EXOC6B: variants seen among roughly 807,000 people sequenced by gnomAD.
The protein encoded by EXOC6B is exocyst complex component 6B.
A neutral mutation model predicts 113.5 loss-of-function variants in EXOC6B; 54 were observed. That is an observed-to-expected ratio of 0.48 (90% confidence interval 0.38 to 0.60). EXOC6B has a LOEUF of 0.60. Among genes scored for constraint, EXOC6B ranks in the 20% least tolerant of loss-of-function variants. EXOC6B has a pLI of 0.00. For synonymous variants in EXOC6B, 357 were observed against 339.0 expected, an observed-to-expected ratio of 1.05 and a Z score of -0.58; for missense variants, 797 against 977.5, an observed-to-expected ratio of 0.82 and a Z score of 2.46.
intron 1 of EXOC6B, among the ~76,000 whole-genome samples, chr2:72,745,811 TA>T (rs1681659255): frequency 1.3e-5 from 2 of 152,082 alleles, no homozygotes; most frequent in African/African-American, 4.8e-5. Context: ...ATCCATCAGA[TA>T]TAAAAGGCTA....
chr2:72,431,879 T>C (rs1013309798), intron 18 of EXOC6B, among the ~76,000 whole-genome samples: 1 of 152,102 alleles, frequency 6.6e-6, no homozygotes, highest in African/African-American at 2.4e-5. Flanking sequence ...CTCCCACTTA[T>C]GAGTGAGAAT....
chr2:72,192,760 G>A (rs563689436), intron 20 of EXOC6B, among the ~76,000 whole-genome samples: 1 of 152,284 alleles, frequency 6.6e-6, no homozygotes, highest in African/African-American at 2.4e-5. Context: ...CAGGAACACT[G>A]AGTCCTGTAG....
intron 20 of EXOC6B, among the ~76,000 whole-genome samples, chr2:72,201,362 G>T (rs1395362146): frequency 1.3e-5 from 2 of 152,088 alleles, no homozygotes; most frequent in Non-Finnish European, 1.5e-5. Context: ...TGCCCAGAAA[G>T]CAGGCAGCCT....
At chr2:72,190,586 C>T (rs1467386127) in intron 20 of EXOC6B, among the ~76,000 whole-genome samples, 1 of 152,164 alleles carries the variant, frequency 6.6e-6, no homozygotes, top group Non-Finnish European at 1.5e-5. Flanking sequence ...CTATTCATTC[C>T]TGTAGATAAC....
intron 11 of EXOC6B, among the ~76,000 whole-genome samples, chr2:72,508,422 A>C (rs1352228463): frequency 1.3e-5 from 2 of 152,128 alleles, no homozygotes; most frequent in Non-Finnish European, 2.9e-5. Flanking sequence ...AAGAATAATA[A>C]GGGGATAAAT....
At chr2:72,696,004 G>GTA (rs948879014) in intron 6 of EXOC6B, among the ~76,000 whole-genome samples, 14 of 151,788 alleles carry the variant, frequency 9.2e-5, no homozygotes, top group Middle Eastern at 3.4e-3. Context: ...ATCTACTGGT[G>GTA]TATATATATA....
At chr2:72,817,874 CCT>C (rs1279738985) in intron 1 of EXOC6B, among the ~76,000 whole-genome samples, 1 of 152,188 alleles carries the variant, frequency 6.6e-6, no homozygotes, top group East Asian at 1.9e-4. Flanking sequence ...CCATCTCTTG[CCT>C]CTTATTACTG....
At position 72,177,497 on chromosome 2, in the gene EXOC6B, C is replaced by T. The variant is rs1335780150; in HGVS notation, c.*1838G>A. ...TTGGCGATGCCATTTTGGCTCCTGC[C>T]TTCTCTTGGCTTATCAAGTTCTGGG... On this transcript the variant is annotated 3_prime_UTR_variant, in exon 22 of 22. Transcript: ENST00000272427. 1.3e-5 allele frequency: 2 copies of T among 152,206 alleles called. No individual in the cohort carries two copies. Among genetic ancestry groups the T allele is most frequent in the Non-Finnish European group, 2.9e-5 (2 of 68,048 alleles). 9.4% of individuals were successfully genotyped at this position (152,206 alleles called of 1,614,324 possible). A position where few individuals can be genotyped will look rare whatever the true frequency, so the allele number is the denominator to read the frequency against.
At chr2:72,653,942 T>G (rs2104415789) in intron 6 of EXOC6B, among the ~76,000 whole-genome samples, 1 of 151,518 alleles carries the variant, frequency 6.6e-6, no homozygotes, top group South Asian at 2.1e-4. Context: ...TGATAATGTA[T>G]TATGGTACAA....
chr2:72,515,443 T>C (rs932581023), intron 8 of EXOC6B: 4 of 1,110,736 alleles, frequency 3.6e-6, no homozygotes, highest in Non-Finnish European at 4.4e-6. Flanking sequence ...AACCTTTCCA[T>C]AAGTTATGAT....
At chr2:72,389,564 G>T (rs1215737091) in intron 18 of EXOC6B, among the ~76,000 whole-genome samples, 2 of 151,968 alleles carry the variant, frequency 1.3e-5, no homozygotes, top group African/African-American at 4.8e-5. Context: ...TGATATTCCT[G>T]AAATTCATGT....
At chr2:72,688,469 T>G (rs180986992) in intron 6 of EXOC6B, among the ~76,000 whole-genome samples, 14 of 151,160 alleles carry the variant, frequency 9.3e-5, no homozygotes, top group African/African-American at 3.4e-4. Flanking sequence ...TCCTTCCTGG[T>G]GGGCAAGGAA....
At chr2:72,736,249 C>A (rs1311580199) in intron 2 of EXOC6B, among the ~76,000 whole-genome samples, 1 of 151,284 alleles carries the variant, frequency 6.6e-6, no homozygotes, top group Non-Finnish European at 1.5e-5. Context: ...TAGGATGCTA[C>A]TTCATTTATT....
At chr2:72,476,747 A>T (rs1357352796) in intron 17 of EXOC6B, among the ~76,000 whole-genome samples, 1 of 152,224 alleles carries the variant, frequency 6.6e-6, no homozygotes, top group African/African-American at 2.4e-5. Flanking sequence ...AAGACTTTAG[A>T]ATAAAGTCCA....
In EXOC6B at chr2:72,465,235, G is replaced by A. The variant is rs1697969993; in HGVS notation, c.1905C>T (p.Gly635=). 1 of 1,611,358 alleles carries A rather than the reference G, an allele frequency of 6.2e-7. No individual in the cohort carries two copies. Among genetic ancestry groups the A allele is most frequent in the African/African-American group, 1.3e-5 (1 of 74,912 alleles). The part of the protein sequence containing the change: ...ADYDWMTGDL[G]NKASDYLVDL... ...CTACCAGGTAATCACTAGCTTTGTTGCCCAAATCTCCGGTCATCCAGTCAT... is the reference window on the plus strand; with the variant it reads ...CTACCAGGTAATCACTAGCTTTGTTACCCAAATCTCCGGTCATCCAGTCAT... The change falls in exon 18 of 22, where the codon GGC becomes GGT. Residue 635 remains glycine, a synonymous_variant. Transcript: ENST00000272427.
chr2:72,489,587 A>C (rs1467055759), intron 16 of EXOC6B, among the ~76,000 whole-genome samples: 3 of 152,194 alleles, frequency 2.0e-5, no homozygotes, highest in Non-Finnish European at 4.4e-5. Flanking sequence ...TGCTACCATT[A>C]TCCCCATTTT....
chr2:72,230,290 A>G (rs992379116), intron 20 of EXOC6B, among the ~76,000 whole-genome samples: 1 of 152,234 alleles, frequency 6.6e-6, no homozygotes, highest in African/African-American at 2.4e-5. Context: ...ACTTTGATAA[A>G]TATGAACTAA....
intron 18 of EXOC6B, among the ~76,000 whole-genome samples, chr2:72,443,507 G>C (rs564940986): frequency 6.6e-6 from 1 of 152,036 alleles, no homozygotes; most frequent in Non-Finnish European, 1.5e-5. Context: ...ATATGCAGAA[G>C]ACTGAAGCTG....
intron 8 of EXOC6B, among the ~76,000 whole-genome samples, chr2:72,554,778 T>C (rs1387326820): frequency 1.3e-5 from 2 of 152,198 alleles, no homozygotes; most frequent in Non-Finnish European, 2.9e-5. Context: ...TATTATACTC[T>C]AAGTTCCAGG....
Sources: gnomAD v4.1 joint callset for allele counts (sites outside exome capture counted in the v4.1 genomes callset) on GRCh38, gnomAD v4.1.1 for gene constraint, MANE v1.5 for transcripts, NCBI Gene and HGNC (gene_info 2026-07-23, HGNC 2026-07-21) for gene names.